Variants in SLTM observed in about 807,000 individuals in gnomAD.
SLTM encodes SAFB like transcription modulator.
SLTM carries 43 observed loss-of-function variants against 134.6 expected under a neutral mutation model. The ratio of observed to expected loss-of-function variants is 0.32; its 90% CI spans 0.25 to 0.41. The LOEUF is 0.41. SLTM is among the 10% of genes least tolerant of loss of function. SLTM has a pLI of 1.00. For missense variants in SLTM, 1,055 were observed against 1,288.8 expected (o/e 0.82, Z 2.78); for synonymous variants, 424 against 432.3 (o/e 0.98, Z 0.24).
At chr15:58,906,585 G>C (rs527697603) in intron 5 of SLTM, among the ~76,000 whole-genome samples, 1 of 152,200 alleles carries the variant, frequency 6.6e-6, no homozygotes, top group African/African-American at 2.4e-5. Flanking sequence ...ATCTGTACAT[G>C]TATAGGCTAA....
chr15:58,913,048 C>A (rs949650226), intron 4 of SLTM, among the ~76,000 whole-genome samples: 1 of 152,110 alleles, frequency 6.6e-6, no homozygotes, highest in Non-Finnish European at 1.5e-5. Flanking sequence ...ATTAAAGTAA[C>A]CTTTTATACT....
At chr15:58,929,580 AT>A (rs1401188429) in intron 2 of SLTM, among the ~76,000 whole-genome samples, 1 of 152,202 alleles carries the variant, frequency 6.6e-6, no homozygotes, top group Non-Finnish European at 1.5e-5. Flanking sequence ...AAAAGTTATT[AT>A]TTAAACATCT....
chr15:58,922,486 A>T (rs974625097), intron 2 of SLTM, among the ~76,000 whole-genome samples: 1 of 146,302 alleles, frequency 6.8e-6, no homozygotes, highest in African/African-American at 2.5e-5. Flanking sequence ...TACATAATAT[A>T]CAATATGCAT....
At position 58,913,492 on chromosome 15, in the gene SLTM, T is replaced by C; in HGVS notation, c.513+7A>G. ...GTGTCATGTTTTAAAAAAAACTGGC[T>C]AAAGACCTGACTTTCGATGTCCTCT... On this transcript the variant is annotated splice_region_variant and intron_variant, in intron 4 of 20. Coordinates refer to ENST00000380516, the MANE Select transcript of SLTM (RefSeq NM_024755.4). 1 of 1,599,082 alleles carries C rather than the reference T, an allele frequency of 6.3e-7. No individual in the cohort carries two copies. The highest frequency in any genetic ancestry group is 1.3e-5 in the African/African-American group (1 of 74,546).
At chr15:58,932,258 A>G in intron 2 of SLTM, 98 bp downstream of exon 2, 4 of 835,904 alleles carry the variant, frequency 4.8e-6, no homozygotes. Context: ...GGGAAATAGC[A>G]AAGAGTAGCA....
In SLTM at chr15:58,912,615, G is replaced by C; in HGVS notation, c.514-5C>G. The C allele has an allele frequency of 6.3e-7, 1 of 1,599,196 alleles. No individual in the cohort carries two copies. The highest frequency in any genetic ancestry group is 8.5e-7 in the Non-Finnish European group (1 of 1,170,676). ...ACCTTCTTGAGCTTCAATTTCCTAA[G>C]TAAAAGGGTATACAATAGCTTTGCT... On this transcript the variant is annotated splice_region_variant and splice_polypyrimidine_tract_variant and intron_variant, in intron 4 of 20. Coordinates refer to ENST00000380516, the MANE Select transcript of SLTM (RefSeq NM_024755.4).
chr15:58,919,679 A>G (rs911127568), intron 2 of SLTM, among the ~76,000 whole-genome samples: 1 of 152,144 alleles, frequency 6.6e-6, no homozygotes, highest in Non-Finnish European at 1.5e-5. Flanking sequence ...CACACTCACC[A>G]CCAAATAGCC....
At chr15:58,912,497 A>G in intron 5 of SLTM, 66 bp downstream of exon 5, 2 of 1,297,230 alleles carry the variant, frequency 1.5e-6, no homozygotes, top group Non-Finnish European at 2.2e-6. Flanking sequence ...TGAAGTCAAA[A>G]TAAGATTCCT....
chr15:58,929,187 G>A (rs534965540), intron 2 of SLTM, among the ~76,000 whole-genome samples: 1 of 152,310 alleles, frequency 6.6e-6, no homozygotes, highest in South Asian at 2.1e-4. Context: ...CTGATTATCA[G>A]CCAGGTGCGG....
intron 5 of SLTM, among the ~76,000 whole-genome samples, chr15:58,902,894 TTTATTA>T (rs1260360676): frequency 6.6e-6 from 1 of 151,578 alleles, no homozygotes; most frequent in Admixed American, 6.6e-5. Flanking sequence ...CAGCTAATTT[TTTATTA>T]TTATTATTTT....
At chr15:58,888,299 G>A in intron 17 of SLTM, 86 bp downstream of exon 17, 1 of 1,195,924 alleles carries the variant, frequency 8.4e-7, no homozygotes, top group South Asian at 1.5e-5. Flanking sequence ...GTTCTGACCT[G>A]GTACTTCCAG....
In SLTM at chr15:58,899,101, T is replaced by TC; in HGVS notation, c.1059-250_1059-249insG. The TC allele has an allele frequency of 2.2e-6, 1 of 449,204 alleles. No individual in the cohort carries two copies. The highest frequency in any genetic ancestry group is 3.9e-6 in the Non-Finnish European group (1 of 255,486). 27.8% of individuals were successfully genotyped at this position (449,204 alleles called of 1,614,324 possible). ...GGAAATATGGCCATCTTCTCCAGAT[T>TC]TCAGGACTGGGACTTGACTTCATTT... On this transcript the variant is annotated intron_variant, in intron 7 of 20. Coordinates refer to ENST00000380516, the MANE Select transcript of SLTM (RefSeq NM_024755.4). The surrounding 1 kb of genome is among the most constrained non-coding windows in gnomAD (Gnocchi z 5.0).
At chr15:58,891,905 C>T (rs1413591547) in intron 14 of SLTM, among the ~76,000 whole-genome samples, 7 of 152,136 alleles carry the variant, frequency 4.6e-5, no homozygotes, top group African/African-American at 1.7e-4. Context: ...GTTTGAGAAT[C>T]ACTGGTCTAG....
chr15:58,898,716 T>A, intron 8 of SLTM, 87 bp downstream of exon 8: 1 of 971,716 alleles, frequency 1.0e-6, no homozygotes, highest in Non-Finnish European at 1.6e-6. Context: ...AAGGACTAAA[T>A]GTCAAAGAAA....
intron 2 of SLTM, among the ~76,000 whole-genome samples, chr15:58,919,220 T>C (rs1331772840): frequency 6.6e-6 from 1 of 152,196 alleles, no homozygotes; most frequent in Non-Finnish European, 1.5e-5. Context: ...GATAATTAAA[T>C]TCTTCTATTA....
At position 58,913,612 on chromosome 15, in the gene SLTM, C is replaced by T; in HGVS notation, c.400G>A (p.Glu134Lys). 6.2e-7 allele frequency: 1 copy of T among 1,613,602 alleles called. No homozygotes were observed. ...KDSEEFGENEEENVHSKELLS... is the reference protein window; with the variant it reads ...KDSEEFGENEKENVHSKELLS... Reference sequence around the variant, plus strand: ...AACTCCTTGGAATGCACATTTTCTTCTTCATTTTCACCAAATTCTTCAGAG... The same window carrying T: ...AACTCCTTGGAATGCACATTTTCTTTTTCATTTTCACCAAATTCTTCAGAG... The change falls in exon 4 of 21, where the codon GAA becomes AAA. Residue 134 changes from glutamate (E) to lysine (K), a missense_variant. Glu to Lys is a moderately conservative substitution (Grantham distance 56, BLOSUM62 1). Around this residue, in one of 3 missense-constraint regions of SLTM, gnomAD observed 268 missense variants for 284.3 expected, o/e 0.94. Transcript: ENST00000380516.
chr15:58,922,516 TA>T (rs1255017772), intron 2 of SLTM, among the ~76,000 whole-genome samples: 7 of 144,790 alleles, frequency 4.8e-5, no homozygotes, highest in Non-Finnish European at 7.5e-5. Context: ...TATATACGTA[TA>T]AAATTTATAC....
At chr15:58,904,315 A>G (rs139837896) in intron 5 of SLTM, among the ~76,000 whole-genome samples, 4 of 152,140 alleles carry the variant, frequency 2.6e-5, no homozygotes, top group Admixed American at 6.5e-5. Context: ...CCGGCCAACA[A>G]TAATTTCTAT....
intron 5 of SLTM, among the ~76,000 whole-genome samples, 195 bp from the exon 6 acceptor site, chr15:58,901,482 T>G (rs1344914845): frequency 1.3e-5 from 2 of 152,238 alleles, no homozygotes; most frequent in African/African-American, 4.8e-5. Flanking sequence ...ACAAGTTTGG[T>G]ACATTTTAGA....
Sources: allele counts gnomAD v4.1 joint callset (sites outside exome capture counted in the v4.1 genomes callset), GRCh38; gene constraint gnomAD v4.1.1; regional missense constraint gnomAD v4.1.1; non-coding constraint Gnocchi (gnomAD v3.1); transcripts MANE v1.5; gene names NCBI Gene and HGNC (gene_info 2026-07-23, HGNC 2026-07-21).